Variants in OCRL observed in about 807,000 individuals in gnomAD.
The protein encoded by OCRL is inositol polyphosphate 5-phosphatase OCRL.
Under a neutral mutation model 78.9 loss-of-function variants are expected in OCRL, and 8 were observed. The observed-to-expected ratio is 0.10, with a 90% CI of 0.06 to 0.18. The LOEUF is 0.18. Among genes scored for constraint, OCRL ranks in the 10% least tolerant of loss-of-function variants. The pLI, the probability that OCRL is intolerant of heterozygous loss-of-function variation, is 1.00. For missense variants in OCRL, 454 were observed against 696.7 expected (o/e 0.65, Z 3.92); for synonymous variants, 240 against 235.4 (o/e 1.02, Z -0.18).
chrX:129,589,866 T>C lies in OCRL; in HGVS notation c.2491T>C (p.Cys831Arg), dbSNP rs975229043. The change falls in exon 23 of 24, where the codon TGC becomes CGC. Residue 831 changes from cysteine (C) to arginine (R), a missense_variant. Cys to Arg is a radical substitution (Grantham distance 180). Around this residue, in one of 2 missense-constraint regions of OCRL, gnomAD observed 277 missense variants for 517.1 expected, o/e 0.54. Coordinates refer to ENST00000371113, the MANE Select transcript of OCRL (RefSeq NM_000276.4). ...CRQVISQLPR[C>R]HRNVFRYLMA... The stretch of plus-strand genomic sequence containing the variant: ...ACAGGTGATCTCCCAGCTTCCGAGA[T>C]GCCATAGAAATGTTTTCCGTTACTT... The C allele has an allele frequency of 4.1e-6, 5 of 1,207,406 alleles. No individual in the cohort carries two copies. The highest frequency in any genetic ancestry group is 5.6e-6 in the Non-Finnish European group (5 of 892,761).
chrX:129,556,925 C>T (rs1355837289), intron 4 of OCRL, among the ~76,000 whole-genome samples: 2 of 112,111 alleles, frequency 1.8e-5, no homozygotes, highest in Non-Finnish European at 3.8e-5. Flanking sequence ...GTGATCTGGA[C>T]TTGAAATGGT....
chrX:129,580,840 C>T (rs1197132511), intron 18 of OCRL, among the ~76,000 whole-genome samples: 1 of 111,656 alleles, frequency 9.0e-6, no homozygotes, highest in African/African-American at 3.3e-5. Flanking sequence ...CTTTTTAGAA[C>T]TTCATTTTCC....
At chrX:129,554,951 A>AT (rs1356885521) in intron 4 of OCRL, among the ~76,000 whole-genome samples, 1 of 48,201 alleles carries the variant, frequency 2.1e-5, no homozygotes, top group Admixed American at 2.3e-4. Flanking sequence ...CCTTCTCAAA[A>AT]TAAATAAATA....
chrX:129,547,485 A>G (rs760530884), intron 3 of OCRL, among the ~76,000 whole-genome samples: 1 of 100,679 alleles, frequency 9.9e-6, no homozygotes, highest in South Asian at 5.0e-4. Flanking sequence ...AGATCGTGCC[A>G]CTGCACTCCA....
chrX:129,540,525 GT>G, intron 1 of OCRL, 47 bp downstream of exon 1: 1 of 1,109,623 alleles, frequency 9.0e-7, no homozygotes, highest in Non-Finnish European at 1.2e-6. Context: ...AGGGCCGGGG[GT>G]GGGGGTCGGG....
chrX:129,550,173 A>G (rs1230861516), intron 4 of OCRL, among the ~76,000 whole-genome samples: 1 of 112,440 alleles, frequency 8.9e-6, no homozygotes, highest in Non-Finnish European at 1.9e-5. Context: ...TCTTCATTAT[A>G]TACAATTTAC....
At chrX:129,576,844 ACT>A (rs1326551886) in intron 18 of OCRL, among the ~76,000 whole-genome samples, 1 of 111,350 alleles carries the variant, frequency 9.0e-6, no homozygotes, top group African/African-American at 3.3e-5. Context: ...AGCTCTTCAT[ACT>A]CTCAAGTCAC....
intron 18 of OCRL, among the ~76,000 whole-genome samples, chrX:129,581,873 G>C (rs868550950): frequency 2.2e-3 from 172 of 79,592 alleles, no homozygotes; most frequent in African/African-American, 9.9e-3. Flanking sequence ...CTCTGTCTCT[G>C]TCTCTGCCCT....
At chrX:129,540,659 G>GC (rs1247603807) in intron 1 of OCRL, 85 bp from the exon 2 acceptor site, 4 of 803,095 alleles carry the variant, frequency 5.0e-6, no homozygotes, top group East Asian at 6.6e-5. Context: ...GGCGGTGGGG[G>GC]GGGGGTGGAA....
chrX:129,557,314 A>G lies in OCRL; in HGVS notation c.239-11A>G, dbSNP rs2124401047. On this transcript the variant is annotated splice_polypyrimidine_tract_variant and intron_variant, in intron 4 of 23. Transcript: ENST00000371113. ...CATAGCAGTATATGTATGGATTTCA[A>G]TTCTTTTTAGGTGGCTGCAAAATTC... is the stretch of plus-strand genomic sequence containing the variant. 2.5e-6 allele frequency: 3 copies of G among 1,203,581 alleles called. No homozygotes were observed. The highest frequency in any genetic ancestry group is 3.4e-6 in the Non-Finnish European group (3 of 888,211).
intron 4 of OCRL, 27 bp from the exon 5 acceptor site, chrX:129,557,298 A>G (rs754992166): frequency 6.3e-5 from 71 of 1,123,236 alleles, no homozygotes; most frequent in Non-Finnish European, 8.0e-5. Context: ...CCATAGCAGT[A>G]TATGTATGGA....
At chrX:129,546,373 T>C (rs781054367) in intron 3 of OCRL, among the ~76,000 whole-genome samples, 4 of 112,519 alleles carry the variant, frequency 3.6e-5, no homozygotes, top group Non-Finnish European at 5.6e-5. Context: ...TATTTTTCAC[T>C]AGTATCAATA....
At position 129,559,813 on chromosome X, in the gene OCRL, T is replaced by C. The variant is rs1382077997; in HGVS notation, c.723-737T>C. ...TTTTTATTTCATCTTTTTTCTGGACTTGTGTGTGTATGCTGCATGTGAGGT... is the reference window on the plus strand; with the variant it reads ...TTTTTATTTCATCTTTTTTCTGGACCTGTGTGTGTATGCTGCATGTGAGGT... On this transcript the variant is annotated intron_variant, in intron 8 of 23. Transcript: ENST00000371113. 2.7e-5 allele frequency among the ~76,000 whole-genome samples: 3 copies of C among 111,749 alleles called. No individual in the cohort carries two copies. The South Asian group carries it at 1.1e-3, about 43-fold the overall frequency.
At chrX:129,577,002 G>A (rs1485247044) in intron 18 of OCRL, among the ~76,000 whole-genome samples, 1 of 111,406 alleles carries the variant, frequency 9.0e-6, no homozygotes, top group African/African-American at 3.3e-5. Flanking sequence ...CTAGCACCCA[G>A]ATTTCCTGGC....
intron 6 of OCRL, 26 bp downstream of exon 6, chrX:129,557,976 G>C (rs1343539326): frequency 8.3e-6 from 8 of 960,961 alleles, no homozygotes; most frequent in Non-Finnish European, 1.2e-5. Context: ...TGGTTTCCTT[G>C]TTGCTATGGT....
chrX:129,542,656 A>G (rs1315528131), intron 2 of OCRL, among the ~76,000 whole-genome samples: 1 of 111,095 alleles, frequency 9.0e-6, no homozygotes, highest in Non-Finnish European at 1.9e-5. Flanking sequence ...AAGCACAGAC[A>G]GGTTAAGTCA....
intron 15 of OCRL, among the ~76,000 whole-genome samples, chrX:129,572,530 A>T (rs777010803): frequency 8.9e-6 from 1 of 112,807 alleles, no homozygotes; most frequent in African/African-American, 3.2e-5. Flanking sequence ...TGCTATGATT[A>T]GAGGCTTTAA....
chrX:129,576,373 C>T lies in OCRL; in HGVS notation c.1936C>T (p.Leu646=). The T allele has an allele frequency of 8.3e-7, 1 of 1,211,283 alleles. No homozygotes were observed. Among genetic ancestry groups the T allele is most frequent in the East Asian group, 3.0e-5 (1 of 33,864 alleles). ...TGTCAGCAAAGACTCTGTAACCATC[C>T]TGAACTCGGGAGAAGATAAGATTGA... is the stretch of plus-strand genomic sequence containing the variant. ...VYVSKDSVTI[L]NSGEDKIEDI... The change falls in exon 18 of 24, where the codon CTG becomes TTG. Residue 646 remains leucine (L), a synonymous_variant. Coordinates refer to ENST00000371113, the MANE Select transcript of OCRL (RefSeq NM_000276.4).
intron 4 of OCRL, among the ~76,000 whole-genome samples, chrX:129,556,222 T>C: frequency 8.9e-6 from 1 of 112,255 alleles, no homozygotes; most frequent in South Asian, 3.7e-4. Flanking sequence ...TATTTACACG[T>C]GGTAAAGAGT....
Sources: gnomAD v4.1 joint callset for allele counts (sites outside exome capture counted in the v4.1 genomes callset) on GRCh38, gnomAD v4.1.1 for gene constraint, gnomAD v4.1.1 regional missense constraint, MANE v1.5 for transcripts, NCBI Gene and HGNC (gene_info 2026-07-23, HGNC 2026-07-21) for gene names.